Variants in GOSR2 observed in about 807,000 individuals in gnomAD.
The protein encoded by GOSR2 is 27 kDa Golgi SNARE protein.
In GOSR2, 20 loss-of-function variants were observed where a neutral mutation model predicts 27.9. The ratio of observed to expected loss-of-function variants is 0.72; its 90% CI spans 0.50 to 1.04. GOSR2 has a LOEUF of 1.04. Among genes scored for constraint, GOSR2 ranks in the 50% least tolerant of loss-of-function variants. The pLI, the probability that GOSR2 is intolerant of heterozygous loss-of-function variation, is 0.00. For synonymous variants in GOSR2, 91 were observed against 98.8 expected, an observed-to-expected ratio of 0.92 and a Z score of 0.47; for missense variants, 261 against 270.5, an observed-to-expected ratio of 0.97 and a Z score of 0.25.
rs1190904738 is a variant in GOSR2 at position 46,941,959 on chromosome 17, C to G, written c.*3199C>G. 5 of 984,976 alleles carry G rather than the reference C, an allele frequency of 5.1e-6. No homozygotes were observed. In the Admixed American group the frequency reaches 3.1e-4, roughly 61 times the overall value. 61.0% of individuals were successfully genotyped at this position (984,976 alleles called of 1,614,324 possible). On this transcript the variant is annotated 3_prime_UTR_variant, in exon 6 of 6. Coordinates refer to ENST00000640051, the MANE Select transcript of GOSR2 (RefSeq NM_004287.5). ...AGAAAGCTTCTGTCTCAAAGATGAT[C>G]ACATTGGTGTAAAGAGCAAAACTTG...
downstream of GOSR2, among the ~76,000 whole-genome samples, chr17:46,944,576 A>G (rs907363537): frequency 6.6e-6 from 1 of 151,186 alleles, no homozygotes; most frequent in Non-Finnish European, 1.5e-5. Context: ...TACCTGGTCT[A>G]CAGTGGGGCC....
intron 1 of GOSR2, among the ~76,000 whole-genome samples, chr17:46,927,504 A>T (rs1344924693): frequency 3.3e-5 from 5 of 152,166 alleles, no homozygotes; most frequent in Admixed American, 6.5e-5. Context: ...TTTTCTTCAG[A>T]AAGTTTGAAA....
At chr17:46,946,435 T>G (rs1020328050), downstream of GOSR2, among the ~76,000 whole-genome samples, 2 of 124,226 alleles carry the variant, frequency 1.6e-5, no homozygotes, top group Non-Finnish European at 3.1e-5. Flanking sequence ...CACTCCAGCC[T>G]AGGCAAGAAG....
rs758598475 is a variant in GOSR2 at position 46,940,472 on chromosome 17, G to A, written c.*1712G>A. On this transcript the variant is annotated 3_prime_UTR_variant, in exon 6 of 6. Coordinates refer to ENST00000640051, the MANE Select transcript of GOSR2 (RefSeq NM_004287.5). ...TTCCATTACACACAGCACTGCTGCG[G>A]TGCCAGGGACCTAGCGCAGGACTTT... 1.2e-5 allele frequency: 19 copies of A among 1,611,918 alleles called. No homozygotes were observed. The highest frequency in any genetic ancestry group is 1.4e-5 in the Non-Finnish European group (17 of 1,179,832).
chr17:46,966,372 T>G (rs866105737), intron 6 of GOSR2, among the ~76,000 whole-genome samples: 1 of 152,324 alleles, frequency 6.6e-6, no homozygotes, highest in South Asian at 2.1e-4. Context: ...TGTGACCTCC[T>G]CACACCTCTT....
chr17:46,931,873 T>C, intron 3 of GOSR2, 194 bp from the exon 4 acceptor site: 1 of 624,576 alleles, frequency 1.6e-6, no homozygotes, highest in Non-Finnish European at 2.9e-6. Flanking sequence ...TGCTACCATC[T>C]CACTTTAACC....
intron 6 of GOSR2, among the ~76,000 whole-genome samples, chr17:46,953,017 T>A (rs1458540414): frequency 6.6e-6 from 1 of 152,020 alleles, no homozygotes; most frequent in East Asian, 1.9e-4. Flanking sequence ...ATTCTTTTTG[T>A]TTTTAAATTT....
intron 6 of GOSR2, among the ~76,000 whole-genome samples, chr17:46,950,738 C>G (rs755413415): frequency 1.3e-5 from 2 of 152,152 alleles, no homozygotes; most frequent in Non-Finnish European, 2.9e-5. Context: ...TGTGGGGGCA[C>G]TCTTCTGTGG....
chr17:46,944,008 A>G (rs750284276), downstream of GOSR2, among the ~76,000 whole-genome samples: 1 of 152,074 alleles, frequency 6.6e-6, no homozygotes, highest in African/African-American at 2.4e-5. Flanking sequence ...TGGCTTAGCA[A>G]TTCCATTAGT....
intron 1 of GOSR2, chr17:46,924,443 T>C (rs565354786): frequency 6.6e-6 from 1 of 152,350 alleles, no homozygotes; most frequent in Middle Eastern, 3.4e-3. Context: ...AGTATCTGTT[T>C]TAGTTTCTCT....
chr17:46,940,253 C>T lies in GOSR2; in HGVS notation c.*1493C>T, dbSNP rs185331275. 9.3e-5 allele frequency: 132 copies of T among 1,422,948 alleles called. No homozygotes were observed. In the African/African-American group the frequency reaches 1.5e-3, roughly 16 times the overall value. The allele number at this position is 1,422,948 out of a possible 1,614,324, so 88.1% of individuals were successfully genotyped here. A position where few individuals can be genotyped will look rare whatever the true frequency, so the allele number is the denominator to read the frequency against. On this transcript the variant is annotated 3_prime_UTR_variant, in exon 6 of 6. Coordinates refer to ENST00000640051, the MANE Select transcript of GOSR2 (RefSeq NM_004287.5). ...TTCCTGGATGCTAATTTCACACTTT[C>T]GGTTGGAGGAGATCTCCATTGTTCC...
At chr17:46,933,297 C>G (rs2087691292) in intron 4 of GOSR2, 1 of 152,190 alleles carries the variant, frequency 6.6e-6, no homozygotes, top group Admixed American at 6.5e-5. Context: ...CCATATGGAG[C>G]TATAATACAT....
intron 1 of GOSR2, among the ~76,000 whole-genome samples, chr17:46,928,868 G>C (rs2086889138): frequency 6.6e-6 from 1 of 152,042 alleles, no homozygotes; most frequent in South Asian, 2.1e-4. Context: ...GCGATGCTCA[G>C]AACTCTTTCC....
At chr17:46,956,806 C>T (rs1464205234) in intron 6 of GOSR2, among the ~76,000 whole-genome samples, 1 of 152,200 alleles carries the variant, frequency 6.6e-6, no homozygotes, top group African/African-American at 2.4e-5. Context: ...CAGCATGCTG[C>T]CCTGCCTTTG....
At chr17:46,938,064 A>T (rs1382028975) in intron 5 of GOSR2, 2 of 187,996 alleles carry the variant, frequency 1.1e-5, no homozygotes, top group Admixed American at 1.1e-4. Flanking sequence ...GGTCTTCACT[A>T]CGTGCCCAGG....
rs537678117 is a variant in GOSR2, at chr17:46,953,221, C to T, written c.584-13313C>T. ...ACTCCCCCCACCCCACAACAGTCTC[C>T]GGTGTGTGATGTTCCCCTTCCTGTG... On this transcript the variant is annotated intron_variant, in intron 6 of 6. Transcript: ENST00000573224. 5.1e-3 allele frequency among the ~76,000 whole-genome samples: 778 copies of T among 151,936 alleles called. 9 individuals carry two copies. The highest frequency in any genetic ancestry group is 0.018 in the African/African-American group (739 of 41,434).
chr17:46,928,984 T>C (rs1054677019), intron 1 of GOSR2, among the ~76,000 whole-genome samples: 3 of 152,086 alleles, frequency 2.0e-5, no homozygotes, highest in African/African-American at 7.2e-5. Flanking sequence ...TTTATACTTA[T>C]GTGTATTGCT....
rs2089019002 is a variant in GOSR2 at position 46,939,925 on chromosome 17, A to G, written c.*1165A>G. ...ACCTGGTTAGTGTATGTTCTCATTT[A>G]CCACAGGCCTACCAGCCCTGGGCAC... is the stretch of plus-strand genomic sequence containing the variant. On this transcript the variant is annotated 3_prime_UTR_variant, in exon 6 of 6. Transcript: ENST00000640051. 2.0e-5 allele frequency: 20 copies of G among 1,000,020 alleles called. No homozygotes were observed. The highest frequency in any genetic ancestry group is 2.4e-5 in the Non-Finnish European group (20 of 837,188). 61.9% of individuals were successfully genotyped at this position (1,000,020 alleles called of 1,614,324 possible).
chr17:46,940,595 G>A lies in GOSR2; in HGVS notation c.*1835G>A, dbSNP rs774352164. 52 of 1,614,054 alleles carry A rather than the reference G, an allele frequency of 3.2e-5. No individual in the cohort carries two copies. Among genetic ancestry groups the A allele is most frequent in the Non-Finnish European group, 4.2e-5 (50 of 1,180,052 alleles). ...GCCAGACAGCACACTTTGGAGGAAG[G>A]TCTGCAGGGAGCAGCTGAGCCATTT... On this transcript the variant is annotated 3_prime_UTR_variant, in exon 6 of 6. Transcript: ENST00000640051.
Sources: gnomAD v4.1 joint callset for allele counts (sites outside exome capture counted in the v4.1 genomes callset) on GRCh38, gnomAD v4.1.1 for gene constraint, MANE v1.5 for transcripts, NCBI Gene and HGNC (gene_info 2026-07-23, HGNC 2026-07-21) for gene names.